The following ARHGEF28 variants were observed in gnomAD, a reference collection of about 807,000 sequenced individuals.
ARHGEF28 encodes the protein 190 kDa guanine nucleotide exchange factor.
A neutral mutation model predicts 206.6 loss-of-function variants in ARHGEF28; 152 were observed. The ratio of observed to expected loss-of-function variants is 0.74; its 90% CI spans 0.64 to 0.84. ARHGEF28 has a LOEUF of 0.84. Among genes scored for constraint, ARHGEF28 ranks in the 40% least tolerant of loss-of-function variants. The probability of loss-of-function intolerance (pLI) is 0.00; values close to 1 mark genes in which losing one functional copy is unlikely to be tolerated. For synonymous variants in ARHGEF28, 763 were observed against 776.4 expected (o/e 0.98, Z 0.29); for missense variants, 2,028 against 2,073.2 (o/e 0.98, Z 0.42).
At chr5:73,720,751 C>G (rs1383733607) in intron 2 of ARHGEF28, among the ~76,000 whole-genome samples, 1 of 152,136 alleles carries the variant, frequency 6.6e-6, no homozygotes, top group African/African-American at 2.4e-5. Context: ...TCCTGCTGAC[C>G]GATTGCTCCT....
In ARHGEF28 at chr5:73,633,968, T is replaced by A. The variant is rs745863400; in HGVS notation, c.-12+7646T>A. ...TTATGTATGTTGCTATGGAGCCATA[T>A]ATCCTCATTCATGGAATTGTGCAAT... is the stretch of plus-strand genomic sequence containing the variant. On this transcript the variant is annotated intron_variant, in intron 1 of 35. Transcript: ENST00000513042. 2.4e-3 allele frequency among the ~76,000 whole-genome samples: 363 copies of A among 152,210 alleles called. 4 individuals carry two copies. Among genetic ancestry groups the A allele is most frequent in the Non-Finnish European group, 3.9e-3 (267 of 68,028 alleles).
intron 17 of ARHGEF28, among the ~76,000 whole-genome samples, 197 bp from the exon 18 acceptor site, chr5:73,865,768 C>T (rs1759665768): frequency 6.6e-6 from 1 of 152,146 alleles, no homozygotes; most frequent in Admixed American, 6.5e-5. Context: ...CACAAGGCCC[C>T]TTCATTATAA....
At chr5:73,723,934 C>A (rs1750123576) in intron 2 of ARHGEF28, among the ~76,000 whole-genome samples, 1 of 152,190 alleles carries the variant, frequency 6.6e-6, no homozygotes, top group African/African-American at 2.4e-5. Context: ...CATTTGGGGG[C>A]AGTTCCCAAA....
At chr5:73,795,460 C>G (rs578132110) in intron 9 of ARHGEF28, 69 bp downstream of exon 9, 2 of 1,341,548 alleles carry the variant, frequency 1.5e-6, no homozygotes, top group East Asian at 2.3e-5. Flanking sequence ...GGACAAGAAG[C>G]AAGTAAATTT....
chr5:73,848,969 C>G lies in ARHGEF28; in HGVS notation c.1636-7C>G. 6.5e-7 allele frequency: 1 copy of G among 1,528,604 alleles called. No individual in the cohort carries two copies. The highest frequency in any genetic ancestry group is 8.9e-7 in the Non-Finnish European group (1 of 1,124,110). The allele number at this position is 1,528,604 out of a possible 1,614,324, so 94.7% of individuals were successfully genotyped here. A position where few individuals can be genotyped will look rare whatever the true frequency, so the allele number is the denominator to read the frequency against. On this transcript the variant is annotated splice_polypyrimidine_tract_variant and splice_region_variant and intron_variant, in intron 12 of 35. Transcript: ENST00000513042. Reference sequence around the variant, plus strand: ...ATTTTTAAACACTTTATTATAATCTCTTTTAGGAATCACTGCTTTCTGGAG... The same window carrying G: ...ATTTTTAAACACTTTATTATAATCTGTTTTAGGAATCACTGCTTTCTGGAG...
At chr5:73,837,745 GT>G (rs565925682) in intron 10 of ARHGEF28, among the ~76,000 whole-genome samples, 145 of 132,614 alleles carry the variant, frequency 1.1e-3, no homozygotes, top group African/African-American at 1.7e-3. Flanking sequence ...CTTTCGTTTT[GT>G]TTTTTTTTTT....
chr5:73,702,450 C>T (rs939700361), intron 2 of ARHGEF28, among the ~76,000 whole-genome samples: 32 of 152,266 alleles, frequency 2.1e-4, no homozygotes, highest in Admixed American at 1.6e-3. Context: ...CCAAAGCCCC[C>T]GGCAACTATC....
chr5:73,889,558 G>A (rs1218905142), intron 26 of ARHGEF28, among the ~76,000 whole-genome samples: 1 of 152,244 alleles, frequency 6.6e-6, no homozygotes, highest in Non-Finnish European at 1.5e-5. Flanking sequence ...GGACCTGCAG[G>A]CTGAAGTTCC....
At position 73,753,104 on chromosome 5, in the gene ARHGEF28, C is replaced by T; in HGVS notation, c.377C>T (p.Ala126Val). ...QTLLTPFALTAGALPALDEEL... is the reference protein window; with the variant it reads ...QTLLTPFALTVGALPALDEEL... ...CTGCTGACCCCATTTGCCTTGACGG[C>T]AGGAGCACTGCCTGCCTTGGATGAG... Residue 126 changes from alanine (A) to valine (V), a missense_variant, in exon 4 of 36, where the codon GCA (alanine) becomes GTA (valine). Physicochemically the swap from Ala to Val is moderately conservative, Grantham distance 64 (BLOSUM62 0). Transcript: ENST00000513042. 6.3e-7 allele frequency: 1 copy of T among 1,596,500 alleles called. No individual in the cohort carries two copies. Among genetic ancestry groups the T allele is most frequent in the East Asian group, 2.2e-5 (1 of 44,798 alleles).
chr5:73,897,549 A>T (rs1244899243), intron 29 of ARHGEF28, among the ~76,000 whole-genome samples: 2 of 152,234 alleles, frequency 1.3e-5, no homozygotes, highest in African/African-American at 4.8e-5. Flanking sequence ...TGGTATATTT[A>T]TACTAACTGA....
intron 35 of ARHGEF28, among the ~76,000 whole-genome samples, chr5:73,920,214 T>G (rs1005721500): frequency 6.6e-6 from 1 of 152,214 alleles, no homozygotes; most frequent in Non-Finnish European, 1.5e-5. Flanking sequence ...GTGTTTGTTT[T>G]AAACTTTTTG....
At chr5:73,846,014 AGAAAGAAAGAAAAT>A (rs1230406743) in intron 11 of ARHGEF28, among the ~76,000 whole-genome samples, 1 of 151,196 alleles carries the variant, frequency 6.6e-6, no homozygotes, top group Non-Finnish European at 1.5e-5. Flanking sequence ...AAAAAAAGAA[AGAAAGAAAGAAAAT>A]GAAAGAAAGA....
intron 7 of ARHGEF28, among the ~76,000 whole-genome samples, chr5:73,781,769 C>G (rs74736675): frequency 0.019 from 2,964 of 152,160 alleles, 41 homozygotes; most frequent in Non-Finnish European, 0.027. Context: ...CAGTTACTCT[C>G]CATTTGCTTC....
chr5:73,723,189 G>T (rs1014536378), intron 2 of ARHGEF28, among the ~76,000 whole-genome samples: 18 of 152,136 alleles, frequency 1.2e-4, no homozygotes, highest in South Asian at 6.2e-4. Context: ...TGAAGGAAAA[G>T]AATTTTTTTT....
At chr5:73,836,604 T>C (rs7725930) in intron 10 of ARHGEF28, among the ~76,000 whole-genome samples, 21,992 of 152,158 alleles carry the variant, frequency 0.14, 1,736 homozygotes, top group East Asian at 0.2. Context: ...TCTTCTCCAA[T>C]TCTATAAGTT....
intron 2 of ARHGEF28, among the ~76,000 whole-genome samples, chr5:73,698,769 C>G (rs1748381310): frequency 6.6e-6 from 1 of 151,958 alleles, no homozygotes. Flanking sequence ...GACTGCAGAG[C>G]CTGTGTAGGA....
chr5:73,706,304 G>A (rs1418941390), intron 2 of ARHGEF28, among the ~76,000 whole-genome samples: 4 of 152,096 alleles, frequency 2.6e-5, no homozygotes, highest in Non-Finnish European at 4.4e-5. Flanking sequence ...AGATCACACC[G>A]CTGCACTCCA....
chr5:73,687,041 T>C (rs1747519261), intron 2 of ARHGEF28, among the ~76,000 whole-genome samples: 1 of 152,196 alleles, frequency 6.6e-6, no homozygotes, highest in Admixed American at 6.5e-5. Context: ...CTGGCAGATG[T>C]CATTACCTAC....
chr5:73,656,633 A>C (rs552225307), intron 1 of ARHGEF28, among the ~76,000 whole-genome samples: 1 of 152,030 alleles, frequency 6.6e-6, no homozygotes, highest in Non-Finnish European at 1.5e-5. Context: ...TCTACCCTTG[A>C]TCCCTCTTAG....
Sources: gnomAD v4.1 joint callset for allele counts (sites outside exome capture counted in the v4.1 genomes callset) on GRCh38, gnomAD v4.1.1 for gene constraint, MANE v1.5 for transcripts, NCBI Gene and HGNC (gene_info 2026-07-23, HGNC 2026-07-21) for gene names.